Variants in DLG5 observed in about 807,000 individuals in gnomAD.
The protein encoded by DLG5 is discs large MAGUK scaffold protein 5, also known as disks large homolog 5.
In DLG5, 48 loss-of-function variants were observed where a neutral mutation model predicts 189.8. The observed-to-expected ratio is 0.25, with a 90% confidence interval of 0.20 to 0.32. The LOEUF is 0.32. Ranked by LOEUF, DLG5 falls within the 10% of genes least tolerant of loss-of-function variation. The pLI, the probability that DLG5 is intolerant of heterozygous loss-of-function variation, is 1.00. For missense variants in DLG5, 2,160 were observed against 2,544.7 expected, an observed-to-expected ratio of 0.85 and a Z score of 3.25; for synonymous variants, 1,016 against 1,054.1, an observed-to-expected ratio of 0.96 and a Z score of 0.70.
At chr10:77,884,351 G>A (rs1845373442) in intron 1 of DLG5, among the ~76,000 whole-genome samples, 1 of 152,200 alleles carries the variant, frequency 6.6e-6, no homozygotes, top group South Asian at 2.1e-4. Flanking sequence ...GGCACAAGGT[G>A]CATCTTGAAA....
chr10:77,851,942 G>C (rs1458422513), intron 5 of DLG5, among the ~76,000 whole-genome samples: 1 of 152,236 alleles, frequency 6.6e-6, no homozygotes, highest in Admixed American at 6.5e-5. Context: ...GGCATGAGGA[G>C]ACCAGGCCTG....
Position 77,874,967 on chromosome 10 carries a change from G to C in DLG5, c.305-5770C>G, listed in dbSNP as rs566720649. 1.2e-4 allele frequency among the ~76,000 whole-genome samples: 19 copies of C among 152,324 alleles called. No homozygotes were observed. The South Asian group carries it at 3.9e-3, about 32-fold the overall frequency. ...CAAGAAAAATAATAGCAGCTAATAG[G>C]TACTAAGCACTACTAAGTACTGGGA... On this transcript the variant is annotated intron_variant, in intron 1 of 31. Transcript: ENST00000372391.
In DLG5 at chr10:77,926,109, G is replaced by A; in HGVS notation, c.304+108C>T. The A allele has an allele frequency of 8.5e-7, 1 of 1,181,688 alleles. No individual in the cohort carries two copies. Among genetic ancestry groups the A allele is most frequent in the South Asian group, 2.8e-5 (1 of 35,222 alleles). The allele number at this position is 1,181,688 out of a possible 1,614,324, so 73.2% of individuals were successfully genotyped here. ...ACTGGGCCAGAGGAGCGAGTCCACC[G>A]AGGCCATCGCCAGGTGGAGCGGCGG... On this transcript the variant is annotated intron_variant, in intron 1 of 31. Coordinates refer to ENST00000372391, the MANE Select transcript of DLG5 (RefSeq NM_004747.4). The surrounding 1 kb of genome is among the most constrained non-coding windows in gnomAD (Gnocchi z 5.2).
At chr10:77,906,768 G>C (rs1846082207) in intron 1 of DLG5, among the ~76,000 whole-genome samples, 1 of 151,924 alleles carries the variant, frequency 6.6e-6, no homozygotes, top group Admixed American at 6.6e-5. Context: ...GGAAGTACAG[G>C]CACGTACCAC....
intron 20 of DLG5, chr10:77,816,232 G>A (rs763308539): frequency 9.8e-5 from 60 of 610,170 alleles, no homozygotes; most frequent in Middle Eastern, 2.6e-4. Flanking sequence ...TAAGGATCTC[G>A]TGACTTAGCC....
chr10:77,878,041 A>G (rs1845160321), intron 1 of DLG5, among the ~76,000 whole-genome samples: 2 of 152,208 alleles, frequency 1.3e-5, no homozygotes, highest in Non-Finnish European at 2.9e-5. Context: ...ACAGGCAGGA[A>G]GCAGCTCTCT....
chr10:77,860,193 G>T (rs1844417269), intron 2 of DLG5, among the ~76,000 whole-genome samples: 1 of 152,238 alleles, frequency 6.6e-6, no homozygotes, highest in South Asian at 2.1e-4. Flanking sequence ...TGCCCAGGCA[G>T]TCTGGATTCT....
intron 5 of DLG5, among the ~76,000 whole-genome samples, chr10:77,847,190 C>T (rs1391245504): frequency 6.6e-6 from 1 of 152,134 alleles, no homozygotes; most frequent in Non-Finnish European, 1.5e-5. Flanking sequence ...CTGCTCCCCC[C>T]AGCCTTCATA....
intron 6 of DLG5, among the ~76,000 whole-genome samples, chr10:77,842,829 C>T (rs59729879): frequency 0.029 from 4,429 of 152,282 alleles, 218 homozygotes; most frequent in African/African-American, 0.1. Context: ...GTCTACTGCA[C>T]AACACCACGC....
intron 1 of DLG5, among the ~76,000 whole-genome samples, chr10:77,907,040 T>C (rs1411587557): frequency 6.6e-6 from 1 of 152,180 alleles, no homozygotes; most frequent in Non-Finnish European, 1.5e-5. Context: ...AGTCTATACC[T>C]GTTCAATGAG....
Position 77,853,335 on chromosome 10 carries a change from C to A in DLG5, c.864+19G>T. 6.7e-7 allele frequency: 1 copy of A among 1,485,984 alleles called. No individual in the cohort carries two copies. The highest frequency in any genetic ancestry group is 9.1e-7 in the Non-Finnish European group (1 of 1,104,144). 92.0% of individuals were successfully genotyped at this position (1,485,984 alleles called of 1,614,324 possible). ...GGACTACTTGGGAGAAATGGCCAGT[C>A]TCCAGGGGCTGGGCCTACCTGCTGC... On this transcript the variant is annotated intron_variant, in intron 5 of 31. Transcript: ENST00000372391.
chr10:77,847,054 C>A (rs945637488), intron 5 of DLG5, among the ~76,000 whole-genome samples: 1 of 152,052 alleles, frequency 6.6e-6, no homozygotes, highest in Admixed American at 6.6e-5. Context: ...GGCCTGGATC[C>A]GGGCCTGTGT....
At chr10:77,915,326 CAAA>C (rs397847299) in intron 1 of DLG5, among the ~76,000 whole-genome samples, 1 of 96,918 alleles carries the variant, frequency 1.0e-5, no homozygotes. Flanking sequence ...GATGCCGTTT[CAAA>C]AAAAAAAAAA....
At chr10:77,886,151 A>G (rs1298630622) in intron 1 of DLG5, among the ~76,000 whole-genome samples, 2 of 152,198 alleles carry the variant, frequency 1.3e-5, no homozygotes, top group Non-Finnish European at 2.9e-5. Flanking sequence ...AAAATGTCTC[A>G]GGACCCCTTC....
rs142276879 is a variant in DLG5 at position 77,807,129 on chromosome 10, C to T, written c.4797-201G>A. ...AAGGGGCAAAGACTGCCTTTGCTCC[C>T]CTAACACTGAGGGCGCATCCCCATC... On this transcript the variant is annotated intron_variant, in intron 25 of 31. Coordinates refer to ENST00000372391, the MANE Select transcript of DLG5 (RefSeq NM_004747.4). 7.7e-3 allele frequency among the ~76,000 whole-genome samples: 1,180 copies of T among 152,282 alleles called. 15 individuals are homozygous for T. Among genetic ancestry groups the T allele is most frequent in the African/African-American group, 0.026 (1,093 of 41,542 alleles).
chr10:77,797,136 C>T lies in DLG5; in HGVS notation c.5165-542G>A, dbSNP rs116758543. 3.8e-3 allele frequency among the ~76,000 whole-genome samples: 579 copies of T among 152,328 alleles called. 3 individuals carry two copies. Among genetic ancestry groups the T allele is most frequent in the African/African-American group, 0.013 (544 of 41,572 alleles). On this transcript the variant is annotated intron_variant, in intron 27 of 31. Transcript: ENST00000372391. ...CCTGGGTCCTGGATGATCCTCAGAA[C>T]GCAATGCCTCTCCCACATCAACCAC... is the stretch of plus-strand genomic sequence containing the variant.
intron 9 of DLG5, among the ~76,000 whole-genome samples, chr10:77,833,436 G>A (rs558081149): frequency 3.3e-5 from 5 of 152,268 alleles, no homozygotes; most frequent in South Asian, 2.1e-4. Context: ...CTCTTCCTGC[G>A]CACTGTGAGC....
At position 77,812,328 on chromosome 10, in the gene DLG5, G is replaced by C. The variant is rs375726502; in HGVS notation, c.4075C>G (p.Pro1359Ala). The change falls in exon 21 of 32, where the codon CCG becomes GCG. Residue 1359 changes from proline to alanine, a missense_variant. Transcript: ENST00000372391. ...RHVKVQKGSE[P>A]LGISIVSGEK... ...CCACTCACGATGGAGATGCCCAGCG[G>C]CTCTGAGCCCTTCTGCACCTTCACG... The C allele has an allele frequency of 1.3e-5, 21 of 1,614,026 alleles. No homozygotes were observed. Among genetic ancestry groups the C allele is most frequent in the Non-Finnish European group, 1.6e-5 (19 of 1,180,002 alleles).
At chr10:77,807,011 A>G (rs1040458502) in intron 25 of DLG5, 83 bp from the exon 26 acceptor site, 1 of 1,494,542 alleles carries the variant, frequency 6.7e-7, no homozygotes, top group Non-Finnish European at 9.2e-7. Flanking sequence ...CCAGGCCCCT[A>G]AGGCTGCCAT....
Sources: gnomAD v4.1 joint callset for allele counts (sites outside exome capture counted in the v4.1 genomes callset) on GRCh38, gnomAD v4.1.1 for gene constraint, Gnocchi (gnomAD v3.1) non-coding constraint, MANE v1.5 for transcripts, NCBI Gene and HGNC (gene_info 2026-07-23, HGNC 2026-07-21) for gene names.